The following INPP5A variants were observed in gnomAD, a reference collection of about 807,000 sequenced individuals.
The protein encoded by INPP5A is inositol polyphosphate-5-phosphatase A, also known as 43 kDa inositol polyphosphate 5-phophatase.
A neutral mutation model predicts 65.2 loss-of-function variants in INPP5A; 14 were observed. The ratio of observed to expected loss-of-function variants is 0.21; its 90% CI spans 0.14 to 0.34. The LOEUF is 0.34. INPP5A is among the 10% of genes least tolerant of loss of function. The pLI is 1.00. For synonymous variants in INPP5A, 207 were observed against 208.3 expected (o/e 0.99, Z 0.05); for missense variants, 431 against 545.6 (o/e 0.79, Z 2.09).
intron 1 of INPP5A, among the ~76,000 whole-genome samples, chr10:132,564,266 A>G (rs1199094039): frequency 6.6e-6 from 1 of 151,904 alleles, no homozygotes; most frequent in Non-Finnish European, 1.5e-5. Context: ...GATCCTGGGG[A>G]GGGAAGGCGA....
At chr10:132,760,742 A>G (rs1846717818) in intron 11 of INPP5A, among the ~76,000 whole-genome samples, 1 of 152,148 alleles carries the variant, frequency 6.6e-6, no homozygotes, top group South Asian at 2.1e-4. Context: ...AGGTCAAGGC[A>G]GGAGGACGCT....
chr10:132,688,343 AG>A (rs1482489454), intron 4 of INPP5A, among the ~76,000 whole-genome samples: 4 of 152,198 alleles, frequency 2.6e-5, no homozygotes, highest in Non-Finnish European at 5.9e-5. Context: ...CCCCCAGGAC[AG>A]CCACCCCAGT....
rs528083166 is a variant in INPP5A at position 132,703,713 on chromosome 10, C to CA, written c.475-4600_475-4599insA. Among the ~76,000 whole-genome samples the CA allele has an allele frequency of 7.4e-4, 77 of 103,840 alleles. 1 individual carries two copies. Among genetic ancestry groups the CA allele is most frequent in the African/African-American group, 2.8e-3 (71 of 25,702 alleles). 68.1% of individuals were successfully genotyped at this position (103,840 alleles called of 152,430 possible). The stretch of plus-strand genomic sequence containing the variant: ...GCAGACACATGCGGCTTCACCCCCC[C>CA]CACACACTCACGGCTTCACCTGCAC... On this transcript the variant is annotated intron_variant, in intron 6 of 15. Coordinates refer to ENST00000368594, the MANE Select transcript of INPP5A (RefSeq NM_005539.5).
intron 11 of INPP5A, among the ~76,000 whole-genome samples, chr10:132,754,718 C>T (rs954565983): frequency 1.3e-5 from 2 of 152,268 alleles, no homozygotes; most frequent in African/African-American, 2.4e-5. Context: ...GGATGCCGGC[C>T]GAGGAATCCC....
At chr10:132,718,255 G>C (rs1330119348) in intron 8 of INPP5A, among the ~76,000 whole-genome samples, 10 of 126,850 alleles carry the variant, frequency 7.9e-5, no homozygotes, top group Non-Finnish European at 1.2e-4. Context: ...CGGCTGTCTT[G>C]CGGGTTCTGT....
At chr10:132,558,248 T>C (rs1229067468) in intron 1 of INPP5A, among the ~76,000 whole-genome samples, 1 of 152,140 alleles carries the variant, frequency 6.6e-6, no homozygotes, top group Non-Finnish European at 1.5e-5. Context: ...GAGCCGCGAC[T>C]TCCCCAAGCT....
At chr10:132,713,365 C>A (rs1845684329) in intron 8 of INPP5A, among the ~76,000 whole-genome samples, 1 of 152,026 alleles carries the variant, frequency 6.6e-6, no homozygotes, top group South Asian at 2.1e-4. Context: ...GCTGATGGGG[C>A]CCCTCCTGAA....
At position 132,616,077 on chromosome 10, in the gene INPP5A, C is replaced by T. The variant is rs371229685; in HGVS notation, c.117+8121C>T. 2.9e-4 allele frequency among the ~76,000 whole-genome samples: 44 copies of T among 152,242 alleles called. No homozygotes were observed. The South Asian group carries it at 9.1e-3, about 32-fold the overall frequency. ...AGCGGTGAGGGATGGTCGTGTGCGTCGTTTTAGGAGCATGTGTGTGAGCGT... is the reference window on the plus strand; with the variant it reads ...AGCGGTGAGGGATGGTCGTGTGCGTTGTTTTAGGAGCATGTGTGTGAGCGT... On this transcript the variant is annotated intron_variant, in intron 2 of 15. Coordinates refer to ENST00000368594, the MANE Select transcript of INPP5A (RefSeq NM_005539.5). The surrounding 1 kb of genome is among the most constrained non-coding windows in gnomAD (Gnocchi z 4.9).
In INPP5A at chr10:132,588,999, TC is replaced by T. The variant is rs558125103; in HGVS notation, c.76-18915del. ...TCCCACGTTCTGGTGTGTGTCGCCA[TC>T]GGTGGTCACTGTTTCTTGGAGTGTG... On this transcript the variant is annotated intron_variant, in intron 1 of 15. Coordinates refer to ENST00000368594, the MANE Select transcript of INPP5A (RefSeq NM_005539.5). Among the ~76,000 whole-genome samples, 4 of 151,950 alleles carry T rather than the reference TC, an allele frequency of 2.6e-5. No individual in the cohort carries two copies. In the South Asian group the frequency reaches 8.3e-4, roughly 32 times the overall value.
At chr10:132,735,910 G>A (rs1846167937) in intron 9 of INPP5A, among the ~76,000 whole-genome samples, 1 of 152,224 alleles carries the variant, frequency 6.6e-6, no homozygotes, top group Non-Finnish European at 1.5e-5. Context: ...GAGGGTTGTA[G>A]GGATTGGATC....
At position 132,642,111 on chromosome 10, in the gene INPP5A, C is replaced by T. The variant is rs1401160181; in HGVS notation, c.118-3757C>T. On this transcript the variant is annotated intron_variant, in intron 2 of 15. Coordinates refer to ENST00000368594, the MANE Select transcript of INPP5A (RefSeq NM_005539.5). ...CATCTGGGAGTCCAGCGGGAAGGGG[C>T]GGCCTTCTGGGAACAGCCTGGAGCT... is the stretch of plus-strand genomic sequence containing the variant. 3.9e-5 allele frequency among the ~76,000 whole-genome samples: 6 copies of T among 152,316 alleles called. 1 individual carries two copies. In the South Asian group the frequency reaches 8.3e-4, roughly 21 times the overall value.
chr10:132,581,141 T>G (rs533415744), intron 1 of INPP5A, among the ~76,000 whole-genome samples: 2 of 152,304 alleles, frequency 1.3e-5, no homozygotes, highest in South Asian at 4.1e-4. Context: ...ATGGCTTCAG[T>G]CTCTTGCCAG....
At chr10:132,562,321 GGCCTGTCTGCT>G (rs1306787656) in intron 1 of INPP5A, among the ~76,000 whole-genome samples, 3 of 152,242 alleles carry the variant, frequency 2.0e-5, no homozygotes, top group Non-Finnish European at 4.4e-5. Flanking sequence ...CGCCACCTCT[GGCCTGTCTGCT>G]GCCTGTCTGC....
At chr10:132,719,011 C>T (rs1178208414) in intron 8 of INPP5A, among the ~76,000 whole-genome samples, 12 of 145,388 alleles carry the variant, frequency 8.3e-5, no homozygotes, top group Admixed American at 6.8e-4. Context: ...GCGCCTTAGA[C>T]GACTGTCTTG....
chr10:132,702,586 G>A (rs1038113349), intron 6 of INPP5A, among the ~76,000 whole-genome samples: 2 of 152,200 alleles, frequency 1.3e-5, no homozygotes, highest in Admixed American at 6.5e-5. Context: ...TCAGTTTGGG[G>A]TCTCTGCTGT....
At chr10:132,621,465 G>A (rs1436614890) in intron 2 of INPP5A, among the ~76,000 whole-genome samples, 3 of 152,192 alleles carry the variant, frequency 2.0e-5, no homozygotes, top group Admixed American at 2.0e-4. Context: ...CTCAGTGTGT[G>A]TTCATGTACA....
intron 2 of INPP5A, among the ~76,000 whole-genome samples, chr10:132,608,620 T>C: frequency 6.6e-6 from 1 of 151,878 alleles, no homozygotes; most frequent in East Asian, 1.9e-4. Context: ...ACTGGGTGCA[T>C]GGGGGAGGCC....
chr10:132,563,764 G>A (rs2071236665), intron 1 of INPP5A, among the ~76,000 whole-genome samples: 1 of 152,196 alleles, frequency 6.6e-6, no homozygotes, highest in Non-Finnish European at 1.5e-5. Context: ...ATTGGTTGTT[G>A]GTTTTCCTTG....
intron 2 of INPP5A, among the ~76,000 whole-genome samples, chr10:132,613,287 C>T (rs1419332074): frequency 3.3e-5 from 5 of 151,474 alleles, no homozygotes; most frequent in Non-Finnish European, 5.9e-5. Flanking sequence ...CCCGCAGGGC[C>T]CCCTCCTTCC....
Sources: gnomAD v4.1 joint callset for allele counts (sites outside exome capture counted in the v4.1 genomes callset) on GRCh38, gnomAD v4.1.1 for gene constraint, Gnocchi (gnomAD v3.1) non-coding constraint, MANE v1.5 for transcripts, NCBI Gene and HGNC (gene_info 2026-07-23, HGNC 2026-07-21) for gene names.